The following PCDHA7 variants were observed in gnomAD, a reference collection of about 807,000 sequenced individuals.
The protein encoded by PCDHA7 is protocadherin alpha 7, also known as protocadherin alpha-7.
In PCDHA7, 37 loss-of-function variants were observed where a neutral mutation model predicts 57.2. The observed-to-expected ratio is 0.65, with a 90% confidence interval of 0.50 to 0.85. The LOEUF is 0.85. Ranked by LOEUF, PCDHA7 falls within the 40% of genes least tolerant of loss-of-function variation. The pLI, the probability that PCDHA7 is intolerant of heterozygous loss-of-function variation, is 0.00. For synonymous variants in PCDHA7, 553 were observed against 558.8 expected (o/e 0.99, Z 0.15); for missense variants, 1,188 against 1,241.8 (o/e 0.96, Z 0.65).
chr5:140,857,086 A>G, intron 1 of PCDHA7: 1 of 1,596,918 alleles, frequency 6.3e-7, no homozygotes, highest in South Asian at 1.1e-5. Context: ...ATGATAATTC[A>G]CCTGAGGTGA....
Position 140,843,013 on chromosome 5 carries a change from A to G in PCDHA7, c.2355+6275A>G, listed in dbSNP as rs2150350146. On this transcript the variant is annotated intron_variant, in intron 1 of 3. Coordinates refer to ENST00000525929, the MANE Select transcript of PCDHA7 (RefSeq NM_018910.3). The stretch of plus-strand genomic sequence containing the variant: ...TGGACGAGAATGACAACGCGCCGGC[A>G]CTGCTGGAGCCTCGGGTGGGTGGCA... 14 of 1,595,012 alleles carry G rather than the reference A, an allele frequency of 8.8e-6. 1 individual carries two copies. Among genetic ancestry groups the G allele is most frequent in the East Asian group, 2.2e-5 (1 of 44,830 alleles).
chr5:140,865,377 T>C (rs2048847316), intron 1 of PCDHA7: 1 of 152,154 alleles, frequency 6.6e-6, no homozygotes, highest in South Asian at 2.1e-4. Flanking sequence ...ATGTTATAGG[T>C]AGGGTAAAGT....
chr5:140,967,935 A>C (rs186453952), intron 1 of PCDHA7: 1 of 1,614,214 alleles, frequency 6.2e-7, no homozygotes, highest in Admixed American at 1.7e-5. Context: ...CTCAGTGTCA[A>C]TGACCAAGAC....
At chr5:140,896,823 T>C (rs1248229696) in intron 1 of PCDHA7, among the ~76,000 whole-genome samples, 1 of 152,230 alleles carries the variant, frequency 6.6e-6, no homozygotes, top group Non-Finnish European at 1.5e-5. Context: ...ACTCTGTTCA[T>C]AGTTGTTTTT....
At chr5:140,929,038 C>T in intron 1 of PCDHA7, 2 of 1,614,158 alleles carry the variant, frequency 1.2e-6, no homozygotes, top group South Asian at 1.1e-5. Context: ...CTGTTGCGCT[C>T]AGAGCTGCTG....
At chr5:140,974,335 G>T (rs1481372488) in intron 1 of PCDHA7, among the ~76,000 whole-genome samples, 2 of 152,158 alleles carry the variant, frequency 1.3e-5, no homozygotes, top group African/African-American at 4.8e-5. Context: ...GTGCTAGCAG[G>T]CTATGCATCC....
intron 1 of PCDHA7, among the ~76,000 whole-genome samples, chr5:140,893,560 T>C (rs964266537): frequency 4.6e-5 from 7 of 152,232 alleles, no homozygotes; most frequent in Admixed American, 4.6e-4. Flanking sequence ...AGTTGTAGTG[T>C]ACTTCCTCAG....
chr5:140,877,156 G>A (rs1471783281), intron 1 of PCDHA7: 1 of 1,613,692 alleles, frequency 6.2e-7, no homozygotes, highest in Admixed American at 1.7e-5. Context: ...GAACGACAAC[G>A]CGCCGGCACT....
chr5:140,845,775 A>G (rs1469360011), intron 1 of PCDHA7, among the ~76,000 whole-genome samples: 1 of 149,718 alleles, frequency 6.7e-6, no homozygotes, highest in Non-Finnish European at 1.5e-5. Context: ...ATAGTTATAA[A>G]TTATTAATAA....
chr5:140,867,125 A>G (rs781885950), intron 1 of PCDHA7: 1 of 152,144 alleles, frequency 6.6e-6, no homozygotes, highest in Non-Finnish European at 1.5e-5. Flanking sequence ...TTTTAATTCA[A>G]ATATGTGATA....
At chr5:140,951,542 A>AG (rs1554219955) in intron 1 of PCDHA7, among the ~76,000 whole-genome samples, 1 of 151,820 alleles carries the variant, frequency 6.6e-6, no homozygotes, top group African/African-American at 2.4e-5. Context: ...GGAGCAAGGG[A>AG]CGGGGGGAAG....
At chr5:140,862,623 G>T in intron 1 of PCDHA7, 1 of 531,204 alleles carries the variant, frequency 1.9e-6, no homozygotes, top group Non-Finnish European at 3.8e-6. Context: ...ACAACCCGCG[G>T]GGCTGCCACG....
intron 1 of PCDHA7, among the ~76,000 whole-genome samples, chr5:140,925,197 A>G (rs1259349657): frequency 1.3e-5 from 2 of 152,310 alleles, no homozygotes; most frequent in East Asian, 3.9e-4. Context: ...CCCAGCTTCA[A>G]TAATTATCGA....
rs372349337 is a variant in PCDHA7, at chr5:140,882,421, C to A, written c.2355+45683C>A. On this transcript the variant is annotated intron_variant, in intron 1 of 3. Transcript: ENST00000525929. ...CCTTCGTGGGCCGCATCGCTCAGGA[C>A]CTGGGGCTGGAGCTGGCGGAGCTGG... is the stretch of plus-strand genomic sequence containing the variant. 5.0e-6 allele frequency: 8 copies of A among 1,613,986 alleles called. No homozygotes were observed. The African/African-American group carries it at 8.0e-5, about 16-fold the overall frequency.
At chr5:140,917,242 T>C (rs564284004) in intron 1 of PCDHA7, among the ~76,000 whole-genome samples, 1 of 151,850 alleles carries the variant, frequency 6.6e-6, no homozygotes, top group African/African-American at 2.4e-5. Flanking sequence ...ATCTAGGTAC[T>C]ACGATTGCTC....
chr5:140,955,284 T>C (rs1207930664), intron 1 of PCDHA7, among the ~76,000 whole-genome samples: 1 of 152,170 alleles, frequency 6.6e-6, no homozygotes, highest in African/African-American at 2.4e-5. Context: ...CATATTGATA[T>C]GGTTTGGCTG....
chr5:140,942,713 T>C (rs2093359728), intron 1 of PCDHA7, among the ~76,000 whole-genome samples: 2 of 152,208 alleles, frequency 1.3e-5, no homozygotes, highest in Non-Finnish European at 1.5e-5. Flanking sequence ...AGTAAAAGTA[T>C]GAAATTTTGT....
At chr5:140,875,807 G>A in intron 1 of PCDHA7, 1 of 1,614,206 alleles carries the variant, frequency 6.2e-7, no homozygotes, top group South Asian at 1.1e-5. Flanking sequence ...ATCGTGGACA[G>A]GCCGCTGCAG....
At chr5:140,901,502 T>G (rs782679945) in intron 1 of PCDHA7, among the ~76,000 whole-genome samples, 1 of 152,182 alleles carries the variant, frequency 6.6e-6, no homozygotes, top group Non-Finnish European at 1.5e-5. Context: ...CGAAAATGAG[T>G]TCATTATAGA....
Sources: gnomAD v4.1 joint callset for allele counts (sites outside exome capture counted in the v4.1 genomes callset) on GRCh38, gnomAD v4.1.1 for gene constraint, MANE v1.5 for transcripts, NCBI Gene and HGNC (gene_info 2026-07-23, HGNC 2026-07-21) for gene names.